Variants in LDB2 observed in about 807,000 individuals in gnomAD.
LDB2 encodes the protein LIM domain-binding protein 2.
Under a neutral mutation model 44.3 loss-of-function variants are expected in LDB2, and 12 were observed. The ratio of observed to expected loss-of-function variants is 0.27; its 90% confidence interval spans 0.17 to 0.44. The LOEUF is 0.44. Among genes scored for constraint, LDB2 ranks in the 20% least tolerant of loss-of-function variants. LDB2 has a pLI of 1.00. For missense variants in LDB2, 344 were observed against 473.5 expected (o/e 0.73, Z 2.54); for synonymous variants, 164 against 174.8 (o/e 0.94, Z 0.49).
chr4:16,590,465 G>A (rs562348816), intron 3 of LDB2, among the ~76,000 whole-genome samples: 1 of 152,310 alleles, frequency 6.6e-6, no homozygotes, highest in African/African-American at 2.4e-5. Flanking sequence ...TTTCCTCTTT[G>A]GAAATGTAAC....
chr4:16,524,333 A>G (rs1727413817), intron 5 of LDB2, among the ~76,000 whole-genome samples: 1 of 152,210 alleles, frequency 6.6e-6, no homozygotes, highest in Admixed American at 6.5e-5. Flanking sequence ...CACATAATAA[A>G]GAAGGGCAAA....
At chr4:16,680,745 A>G (rs1747623701) in intron 2 of LDB2, among the ~76,000 whole-genome samples, 1 of 152,212 alleles carries the variant, frequency 6.6e-6, no homozygotes, top group African/African-American at 2.4e-5. Context: ...TAACCTGCAC[A>G]GTATATAGAA....
chr4:16,609,594 A>G (rs1219211496), intron 2 of LDB2, among the ~76,000 whole-genome samples: 3 of 152,326 alleles, frequency 2.0e-5, no homozygotes, highest in East Asian at 3.9e-4. Context: ...GTCTGCGGCC[A>G]GAGTGCCTCT....
intron 1 of LDB2, among the ~76,000 whole-genome samples, chr4:16,838,165 A>G (rs78884443): frequency 0.013 from 1,915 of 152,306 alleles, 29 homozygotes; most frequent in Non-Finnish European, 0.018. Flanking sequence ...TTTTTCCACA[A>G]CATGGAGTTT....
chr4:16,799,388 G>A (rs1777338137), intron 1 of LDB2, among the ~76,000 whole-genome samples: 1 of 152,148 alleles, frequency 6.6e-6, no homozygotes, highest in East Asian at 1.9e-4. Flanking sequence ...TATTTTCTAG[G>A]GCCAGAGGAG....
rs1200522194 is a variant in LDB2 at position 16,541,405 on chromosome 4, G to GA, written c.616-29302dup. Among the ~76,000 whole-genome samples the GA allele has an allele frequency of 2.0e-5, 3 of 152,166 alleles. No homozygotes were observed. In the East Asian group the frequency reaches 5.8e-4, roughly 29 times the overall value. On this transcript the variant is annotated intron_variant, in intron 5 of 7. Transcript: ENST00000304523. ...GTAAGAGCTCCCTGAGGCCTCCTCA[G>GA]AAGCCAAGCAGATGCCAACACTATG...
chr4:16,897,603 A>G (rs546281707), intron 1 of LDB2, among the ~76,000 whole-genome samples: 127 of 152,220 alleles, frequency 8.3e-4, no homozygotes, highest in African/African-American at 2.9e-3. Flanking sequence ...CTCAGGCACA[A>G]GATCTCAAAT....
At chr4:16,830,100 A>G (rs1014964534) in intron 1 of LDB2, among the ~76,000 whole-genome samples, 1 of 152,114 alleles carries the variant, frequency 6.6e-6, no homozygotes, top group Admixed American at 6.5e-5. Flanking sequence ...ACAGAGCAAG[A>G]CTCCATCTCA....
At chr4:16,506,948 A>G (rs1384917054) in intron 7 of LDB2, 1 of 152,036 alleles carries the variant, frequency 6.6e-6, no homozygotes, top group Admixed American at 6.5e-5. Flanking sequence ...ACTGCCTTTA[A>G]CTCCAGGATT....
At chr4:16,759,458 A>G (rs1008857980) in intron 1 of LDB2, 198 bp from the exon 2 acceptor site, 30 of 557,896 alleles carry the variant, frequency 5.4e-5, no homozygotes, top group Non-Finnish European at 8.9e-5. Flanking sequence ...TTCCAATTCA[A>G]TAAGTGAGCT....
intron 2 of LDB2, among the ~76,000 whole-genome samples, chr4:16,669,388 G>A (rs999529286): frequency 2.6e-5 from 4 of 152,110 alleles, no homozygotes; most frequent in African/African-American, 7.2e-5. Flanking sequence ...AGGTACAGCT[G>A]CCTCTGGAGA....
intron 5 of LDB2, among the ~76,000 whole-genome samples, chr4:16,549,255 T>C (rs896831035): frequency 6.6e-6 from 1 of 152,138 alleles, no homozygotes; most frequent in Non-Finnish European, 1.5e-5. Flanking sequence ...TGATGACAGG[T>C]TGACAGAGAA....
Position 16,820,634 on chromosome 4 carries a change from A to G in LDB2, c.133-61374T>C, listed in dbSNP as rs891080074. On this transcript the variant is annotated intron_variant, in intron 1 of 7. Coordinates refer to ENST00000304523, the MANE Select transcript of LDB2 (RefSeq NM_001290.5). Reference sequence around the variant, plus strand: ...AGGCTCCAGAGGAAATACGCCTGGCATGTTCTCTGTAAAGAAGCTCATGTG... The same window carrying G: ...AGGCTCCAGAGGAAATACGCCTGGCGTGTTCTCTGTAAAGAAGCTCATGTG... Among the ~76,000 whole-genome samples the G allele has an allele frequency of 1.2e-4, 18 of 152,284 alleles. No homozygotes were observed. The South Asian group carries it at 1.9e-3, about 16-fold the overall frequency.
intron 1 of LDB2, among the ~76,000 whole-genome samples, chr4:16,841,031 G>C (rs1345227196): frequency 1.3e-5 from 2 of 151,654 alleles, no homozygotes; most frequent in South Asian, 2.1e-4. Flanking sequence ...CATTCAAACC[G>C]CATCTCATGC....
At position 16,659,671 on chromosome 4, in the gene LDB2, G is replaced by GTGTGTA. The variant is rs1315288524; in HGVS notation, c.236-63797_236-63796insTACACA. Among the ~76,000 whole-genome samples the GTGTGTA allele has an allele frequency of 2.9e-4, 39 of 133,534 alleles. 1 individual carries two copies. Among genetic ancestry groups the GTGTGTA allele is most frequent in the African/African-American group, 9.7e-4 (32 of 33,098 alleles). The allele number at this position is 133,534 out of a possible 152,430, so 87.6% of individuals were successfully genotyped here. ...CACACATATGAGTATATCTATGTGT[G>GTGTGTA]TATATATATATATATATATATGTAT... On this transcript the variant is annotated intron_variant, in intron 2 of 7. Transcript: ENST00000304523.
At chr4:16,698,810 TTTA>T (rs1752775187) in intron 2 of LDB2, among the ~76,000 whole-genome samples, 1 of 152,146 alleles carries the variant, frequency 6.6e-6, no homozygotes, top group Admixed American at 6.6e-5. Context: ...TACGCAATGG[TTTA>T]TTGTTTATGT....
intron 5 of LDB2, among the ~76,000 whole-genome samples, chr4:16,565,759 TTATAAA>T (rs1744283499): frequency 6.6e-6 from 1 of 151,908 alleles, no homozygotes; most frequent in Non-Finnish European, 1.5e-5. Flanking sequence ...ACTAAAAAAA[TTATAAA>T]TATTAAGAAT....
chr4:16,510,342 A>G (rs1242737243), intron 6 of LDB2, among the ~76,000 whole-genome samples: 5 of 152,086 alleles, frequency 3.3e-5, no homozygotes, highest in South Asian at 4.1e-4. Context: ...ATTTCCTTCC[A>G]TCGAGTTCAG....
At chr4:16,645,569 T>G (rs1056285000) in intron 2 of LDB2, among the ~76,000 whole-genome samples, 1 of 143,832 alleles carries the variant, frequency 7.0e-6, no homozygotes, top group African/African-American at 2.6e-5. Flanking sequence ...AAAAAAGGAT[T>G]GGTTAGGTAG....
Sources: allele counts gnomAD v4.1 joint callset (sites outside exome capture counted in the v4.1 genomes callset), GRCh38; gene constraint gnomAD v4.1.1; transcripts MANE v1.5; gene names NCBI Gene and HGNC (gene_info 2026-07-23, HGNC 2026-07-21).